RNASEH2B: variants seen among roughly 807,000 people sequenced by gnomAD.
The protein encoded by RNASEH2B is Aicardi-Goutieres syndrome 2 protein.
A neutral mutation model predicts 45.0 loss-of-function variants in RNASEH2B; 36 were observed. The ratio of observed to expected loss-of-function variants is 0.80; its 90% CI spans 0.61 to 1.06. RNASEH2B has a LOEUF of 1.06. RNASEH2B is among the 50% of genes least tolerant of loss of function. The probability of loss-of-function intolerance (pLI) is 0.00; values close to 1 mark genes in which losing one functional copy is unlikely to be tolerated. For synonymous variants in RNASEH2B, 119 were observed against 125.7 expected, an observed-to-expected ratio of 0.95 and a Z score of 0.35; for missense variants, 361 against 360.3, an observed-to-expected ratio of 1.00 and a Z score of -0.02.
intron 5 of RNASEH2B, 49 bp downstream of exon 5, chr13:50,935,048 C>T (rs558250799): frequency 1.6e-6 from 2 of 1,223,914 alleles, no homozygotes; most frequent in South Asian, 2.4e-5. Flanking sequence ...ATGGACCTTG[C>T]CTAAGAACGT....
intron 9 of RNASEH2B, among the ~76,000 whole-genome samples, chr13:50,969,413 G>T (rs1277174523): frequency 6.6e-6 from 1 of 150,984 alleles, no homozygotes; most frequent in African/African-American, 2.4e-5. Context: ...TTCTTCACAG[G>T]GACATTAGGT....
intron 4 of RNASEH2B, among the ~76,000 whole-genome samples, chr13:50,932,710 T>C (rs1417595559): frequency 6.6e-6 from 1 of 152,218 alleles, no homozygotes; most frequent in Non-Finnish European, 1.5e-5. Flanking sequence ...GTGATAAGTG[T>C]CACTCAAACA....
At chr13:50,911,257 G>A (rs973232014) in intron 1 of RNASEH2B, 1 of 152,170 alleles carries the variant, frequency 6.6e-6, no homozygotes, top group Non-Finnish European at 1.5e-5. Flanking sequence ...TACCCTTTGT[G>A]TCTGGCTTCT....
intron 9 of RNASEH2B, 53 bp downstream of exon 9, chr13:50,949,558 C>G: frequency 6.7e-7 from 1 of 1,487,540 alleles, no homozygotes; most frequent in Non-Finnish European, 9.4e-7. Context: ...ATATTACACT[C>G]TTACCACATG....
chr13:50,961,436 A>T (rs980094364), downstream of RNASEH2B, among the ~76,000 whole-genome samples: 3 of 152,016 alleles, frequency 2.0e-5, no homozygotes, highest in Admixed American at 6.6e-5. Context: ...ATATTGCATT[A>T]TTATTATTAA....
chr13:50,954,146 A>G (rs1386792631), intron 10 of RNASEH2B, 161 bp downstream of exon 10: 12 of 677,052 alleles, frequency 1.8e-5, no homozygotes, highest in African/African-American at 5.4e-5. Context: ...TGCATATGAC[A>G]ATGAAAATGT....
chr13:50,969,878 A>G, intron 9 of RNASEH2B: 1 of 1,513,400 alleles, frequency 6.6e-7, no homozygotes, highest in Non-Finnish European at 9.0e-7. Flanking sequence ...TTGGGGTTTC[A>G]GGTGACTGTT....
intron 5 of RNASEH2B, among the ~76,000 whole-genome samples, chr13:50,939,517 C>G (rs1951808574): frequency 6.6e-6 from 1 of 151,740 alleles, no homozygotes; most frequent in Non-Finnish European, 1.5e-5. Flanking sequence ...GAGACCCTGT[C>G]CCTAAATTTA....
chr13:50,958,274 G>GTAAATTTTGTAT (rs1952075881), downstream of RNASEH2B, among the ~76,000 whole-genome samples: 1 of 152,184 alleles, frequency 6.6e-6, no homozygotes. Context: ...TGTATATGGT[G>GTAAATTTTGTAT]ATAGGTAGGA....
intron 6 of RNASEH2B, among the ~76,000 whole-genome samples, chr13:50,944,001 A>AGGACGGGATGGGATGGGACGGGAC (rs1951865050): frequency 7.4e-6 from 1 of 135,648 alleles, no homozygotes; most frequent in South Asian, 2.6e-4. Context: ...GGGACGGGAC[A>AGGACGGGATGGGATGGGACGGGAC]GGACGGGATG....
At chr13:50,940,312 A>G (rs993445784) in intron 5 of RNASEH2B, among the ~76,000 whole-genome samples, 4 of 152,214 alleles carry the variant, frequency 2.6e-5, no homozygotes, top group Non-Finnish European at 5.9e-5. Context: ...TGATGCTTAC[A>G]TGACTGCATA....
intron 1 of RNASEH2B, among the ~76,000 whole-genome samples, chr13:50,923,022 A>T (rs567705088): frequency 6.6e-6 from 1 of 152,260 alleles, no homozygotes; most frequent in Admixed American, 6.5e-5. Flanking sequence ...TTTGAAAAGT[A>T]TAATAACAAA....
chr13:50,945,576 G>T (rs747943029), intron 7 of RNASEH2B, 44 bp downstream of exon 7: 1 of 1,313,930 alleles, frequency 7.6e-7, no homozygotes, highest in South Asian at 1.2e-5. Flanking sequence ...TCTGGAGTAA[G>T]TTGCTTATGT....
intron 4 of RNASEH2B, 196 bp from the exon 5 acceptor site, chr13:50,934,689 A>C (rs761540988): frequency 6.6e-6 from 4 of 604,160 alleles, no homozygotes; most frequent in Non-Finnish European, 1.2e-5. Context: ...GTGGGACTCC[A>C]GTGCTCACAG....
At chr13:50,936,059 C>T (rs755470155) in intron 5 of RNASEH2B, 4 of 152,220 alleles carry the variant, frequency 2.6e-5, no homozygotes, top group African/African-American at 4.8e-5. Context: ...CGGTTTGTGC[C>T]TGACCCAAAG....
Position 50,914,685 on chromosome 13 carries a change from G to A in RNASEH2B, c.64+4545G>A, listed in dbSNP as rs543625781. ...GGATGGACTTCAGTTGCCAGTTGGT[G>A]TAATCAGGCTGTTTCCAGAGTCTGA... On this transcript the variant is annotated intron_variant, in intron 1 of 10. Transcript: ENST00000336617. 1.8e-4 allele frequency among the ~76,000 whole-genome samples: 27 copies of A among 152,316 alleles called. No homozygotes were observed. The South Asian group carries it at 5.2e-3, about 29-fold the overall frequency.
chr13:50,937,662 T>C (rs1305217893), intron 5 of RNASEH2B: 2 of 152,194 alleles, frequency 1.3e-5, no homozygotes, highest in East Asian at 3.8e-4. Flanking sequence ...GAATTCATAA[T>C]TGGTTGAGCA....
upstream of RNASEH2B, chr13:50,909,733 G>GCGA: frequency 4.5e-6 from 1 of 219,850 alleles, no homozygotes; most frequent in East Asian, 1.1e-4. Context: ...CGGGGCCCCG[G>GCGA]CGACCCCGCC....
rs372410717 is a variant in RNASEH2B at position 50,969,084 on chromosome 13, G to A, written c.742-848G>A. On this transcript the variant is annotated intron_variant, in intron 9 of 9. Transcript: ENST00000422660. ...TGAGCACCTGCTGTGTGCTAGACAT[G>A]TTGTAGATAGAGGAAATGCGGATAT... Among the ~76,000 whole-genome samples, 7 of 152,336 alleles carry A rather than the reference G, an allele frequency of 4.6e-5. No homozygotes were observed. In the South Asian group the frequency reaches 1.4e-3, roughly 32 times the overall value.
Sources: gnomAD v4.1 joint callset for allele counts (sites outside exome capture counted in the v4.1 genomes callset) on GRCh38, gnomAD v4.1.1 for gene constraint, MANE v1.5 for transcripts, NCBI Gene and HGNC (gene_info 2026-07-23, HGNC 2026-07-21) for gene names.